Variants in GREB1L observed in about 807,000 individuals in gnomAD.
GREB1L encodes the protein GREB1-like protein.
Under a neutral mutation model 200.8 loss-of-function variants are expected in GREB1L, and 17 were observed. The ratio of observed to expected loss-of-function variants is 0.08; its 90% CI spans 0.06 to 0.13. GREB1L has a LOEUF of 0.13. Among genes scored for constraint, GREB1L ranks in the 10% least tolerant of loss-of-function variants. GREB1L has a pLI of 1.00. For missense variants in GREB1L, 1,657 were observed against 2,367.7 expected (o/e 0.70, Z 6.23); for synonymous variants, 789 against 893.0 (o/e 0.88, Z 2.08).
chr18:21,296,372 T>C (rs2038527610), intron 1 of GREB1L, among the ~76,000 whole-genome samples: 1 of 151,820 alleles, frequency 6.6e-6, no homozygotes, highest in African/African-American at 2.4e-5. Flanking sequence ...AAATGGGAGG[T>C]GGACACTGGG....
intron 1 of GREB1L, among the ~76,000 whole-genome samples, chr18:21,269,251 G>T (rs1258755613): frequency 1.3e-5 from 2 of 152,116 alleles, no homozygotes; most frequent in Non-Finnish European, 2.9e-5. Context: ...AAAGAGCCAG[G>T]ATTAGAGCAT....
At chr18:21,384,522 G>A (rs1335865051) in intron 4 of GREB1L, 119 bp downstream of exon 4, 3 of 768,190 alleles carry the variant, frequency 3.9e-6, no homozygotes, top group East Asian at 2.7e-5. Context: ...GGAGAGGAAT[G>A]AGAAATGATT....
At position 21,449,716 on chromosome 18, in the gene GREB1L, G is replaced by A. The variant is rs781734828; in HGVS notation, c.1600G>A (p.Gly534Ser). The change falls in exon 12 of 33, where the codon GGC (glycine) becomes AGC (serine). Residue 534 changes from glycine (G) to serine (S), a missense_variant. Physicochemically the swap from Gly to Ser is moderately conservative, Grantham distance 56. Around this residue, in one of 9 missense-constraint regions of GREB1L, gnomAD observed 239 missense variants for 421.8 expected, o/e 0.57. Coordinates refer to ENST00000424526, the MANE Select transcript of GREB1L (RefSeq NM_001142966.3). Reference sequence around the variant, plus strand: ...TGTGACCCAGAACTCTTTGGCGGAGGGCATTTCAGAGACCTTAAGGACTCT... The same window carrying A: ...TGTGACCCAGAACTCTTTGGCGGAGAGCATTTCAGAGACCTTAAGGACTCT... ...VVVTQNSLAE[G>S]ISETLRTLSE... 1 of 1,551,604 alleles carries A rather than the reference G, an allele frequency of 6.4e-7. No individual in the cohort carries two copies. The highest frequency in any genetic ancestry group is 1.2e-5 in the South Asian group (1 of 84,054).
chr18:21,416,253 A>G (rs190992299), intron 7 of GREB1L, among the ~76,000 whole-genome samples: 6 of 152,328 alleles, frequency 3.9e-5, no homozygotes, highest in African/African-American at 1.2e-4. Flanking sequence ...AGCTAAACTC[A>G]GAAACAAAAG....
rs2037507681 is a variant in GREB1L at position 21,242,302 on chromosome 18, G to C, written c.-211G>C. ...GGCCGGAGCAGCGGAGCGCAGCGCG[G>C]CGCAGGGAACGGCACTGGGGGTGGG... On this transcript the variant is annotated 5_prime_UTR_variant, in exon 1 of 33. Coordinates refer to ENST00000424526, the MANE Select transcript of GREB1L (RefSeq NM_001142966.3). 6.6e-6 allele frequency: 1 copy of C among 152,206 alleles called. No individual in the cohort carries two copies. The allele number at this position is 152,206 out of a possible 1,614,324, so 9.4% of individuals were successfully genotyped here. A position where few individuals can be genotyped will look rare whatever the true frequency, so the allele number is the denominator to read the frequency against.
At chr18:21,469,204 T>C (rs1208641577) in intron 15 of GREB1L, among the ~76,000 whole-genome samples, 2 of 152,232 alleles carry the variant, frequency 1.3e-5, no homozygotes, top group African/African-American at 2.4e-5. Context: ...TGTCATTTTT[T>C]CCCTACATTT....
Position 21,384,110 on chromosome 18 carries a change from G to A in GREB1L, c.158-96G>A, listed in dbSNP as rs377205244. On this transcript the variant is annotated intron_variant, in intron 3 of 32. Transcript: ENST00000424526. ...ATAAATTGGCTAAATGTTAGAAAAT[G>A]CTAGACCTTTTTTCTTCAATTATGT... 510 of 878,954 alleles carry A rather than the reference G, an allele frequency of 5.8e-4. 9 individuals are homozygous for A. The South Asian group carries it at 7.9e-3, about 14-fold the overall frequency. The allele number at this position is 878,954 out of a possible 1,614,324, so 54.4% of individuals were successfully genotyped here. A position where few individuals can be genotyped will look rare whatever the true frequency, so the allele number is the denominator to read the frequency against.
chr18:21,274,571 C>T (rs772307167), intron 1 of GREB1L, among the ~76,000 whole-genome samples: 42 of 152,072 alleles, frequency 2.8e-4, no homozygotes, highest in East Asian at 2.3e-3. Flanking sequence ...CCACCATGCC[C>T]GGCAAATTTA....
intron 7 of GREB1L, among the ~76,000 whole-genome samples, chr18:21,431,154 TG>T (rs1412807159): frequency 6.6e-6 from 1 of 152,144 alleles, no homozygotes; most frequent in African/African-American, 2.4e-5. Flanking sequence ...CCTGAATAGC[TG>T]GGATTACAGG....
chr18:21,383,617 A>G lies in GREB1L; in HGVS notation c.99A>G (p.Pro33=), dbSNP rs552014900. The G allele has an allele frequency of 6.4e-7, 1 of 1,551,306 alleles. No homozygotes were observed. Among genetic ancestry groups the G allele is most frequent in the East Asian group, 2.4e-5 (1 of 40,880 alleles). ...CCCTCAGATGTAGTAGTGTGGTACC[A>G]CGGCCAATTTTTTCCCAGCTATACC... ...EASLRCSSVV[P]RPIFSQLYLD... is the part of the protein sequence containing the mutation. Residue 33 remains proline (P), a synonymous_variant, in exon 3 of 33, where the codon CCA becomes CCG. Transcript: ENST00000424526.
At chr18:21,495,187 G>A (rs1457298033) in intron 19 of GREB1L, among the ~76,000 whole-genome samples, 6 of 151,988 alleles carry the variant, frequency 3.9e-5, no homozygotes, top group African/African-American at 9.7e-5. Flanking sequence ...TATCAAGAGT[G>A]GTTCAATGTT....
At chr18:21,271,661 A>AAAG (rs1567916294) in intron 1 of GREB1L, among the ~76,000 whole-genome samples, 2 of 151,764 alleles carry the variant, frequency 1.3e-5, no homozygotes, top group African/African-American at 4.9e-5. Flanking sequence ...AAAAAAAAAA[A>AAAG]AAAAAAAAAG....
At chr18:21,307,890 A>G (rs2038728151) in intron 1 of GREB1L, among the ~76,000 whole-genome samples, 3 of 149,960 alleles carry the variant, frequency 2.0e-5, no homozygotes, top group Non-Finnish European at 4.4e-5. Context: ...CCTGTAATCA[A>G]TCCTTCTCAT....
chr18:21,471,511 T>C (rs2145670274), intron 15 of GREB1L, among the ~76,000 whole-genome samples: 1 of 152,312 alleles, frequency 6.6e-6, no homozygotes, highest in East Asian at 1.9e-4. Flanking sequence ...TAGATCTTAG[T>C]CCTGTTCCCC....
chr18:21,280,125 A>G (rs2038243343), intron 1 of GREB1L, among the ~76,000 whole-genome samples: 1 of 152,178 alleles, frequency 6.6e-6, no homozygotes, highest in Non-Finnish European at 1.5e-5. Context: ...TTCATCTGTT[A>G]CTATTAGCAT....
At chr18:21,445,286 C>T (rs1189234106) in intron 11 of GREB1L, among the ~76,000 whole-genome samples, 5 of 152,188 alleles carry the variant, frequency 3.3e-5, no homozygotes, top group Non-Finnish European at 7.3e-5. Context: ...ACCAGCCTGA[C>T]CAACATGGAG....
rs957221520 is a variant in GREB1L, at chr18:21,496,955, C to T, written c.3391+257C>T. 5.3e-5 allele frequency among the ~76,000 whole-genome samples: 8 copies of T among 152,172 alleles called. 1 individual carries two copies. Among genetic ancestry groups the T allele is most frequent in the Admixed American group, 1.3e-4 (2 of 15,282 alleles). The stretch of plus-strand genomic sequence containing the variant: ...CTAAAAACAATTTTATCAACCCTAG[C>T]CTGTACCATTTTCCCTAGTCTTTTC... On this transcript the variant is annotated intron_variant, in intron 21 of 32. Coordinates refer to ENST00000424526, the MANE Select transcript of GREB1L (RefSeq NM_001142966.3).
Position 21,389,086 on chromosome 18 carries a change from C to G in GREB1L, c.355+4683C>G, listed in dbSNP as rs59352482. On this transcript the variant is annotated intron_variant, in intron 4 of 32. Coordinates refer to ENST00000424526, the MANE Select transcript of GREB1L (RefSeq NM_001142966.3). ...CACTGAAGGAGCAGGGAGTTATACT[C>G]CACATCCTTGAGGGCAGGCTACGTA... Among the ~76,000 whole-genome samples, 1,193 of 152,202 alleles carry G rather than the reference C, an allele frequency of 7.8e-3. 19 individuals carry two copies. The highest frequency in any genetic ancestry group is 0.028 in the African/African-American group (1,150 of 41,526).
intron 1 of GREB1L, among the ~76,000 whole-genome samples, chr18:21,308,032 T>C (rs2038730283): frequency 6.6e-6 from 1 of 152,238 alleles, no homozygotes; most frequent in Non-Finnish European, 1.5e-5. Flanking sequence ...CTACAAGTTA[T>C]GCTAATTTGG....
Sources: gnomAD v4.1 joint callset for allele counts (sites outside exome capture counted in the v4.1 genomes callset) on GRCh38, gnomAD v4.1.1 for gene constraint, gnomAD v4.1.1 regional missense constraint, MANE v1.5 for transcripts, NCBI Gene and HGNC (gene_info 2026-07-23, HGNC 2026-07-21) for gene names.